Variants in GPC5 observed in about 807,000 individuals in gnomAD.
GPC5 encodes the protein glypican 5, also known as glypican-5.
Under a neutral mutation model 53.9 loss-of-function variants are expected in GPC5, and 47 were observed. The ratio of observed to expected loss-of-function variants is 0.87; its 90% confidence interval spans 0.69 to 1.11. GPC5 has a LOEUF of 1.11. Among genes scored for constraint, GPC5 ranks in the 50% most tolerant of loss-of-function variants. The probability of loss-of-function intolerance (pLI) is 0.00; values close to 1 mark genes in which losing one functional copy is unlikely to be tolerated. For synonymous variants in GPC5, 286 were observed against 263.3 expected (o/e 1.09, Z -0.84); for missense variants, 748 against 713.1 (o/e 1.05, Z -0.56).
chr13:91,556,539 A>T (rs1032414077), intron 2 of GPC5, among the ~76,000 whole-genome samples: 4 of 144,166 alleles, frequency 2.8e-5, no homozygotes, highest in Admixed American at 7.0e-5. Flanking sequence ...TATATATATA[A>T]AATGTGTGTG....
chr13:92,507,242 T>C (rs1034343827), intron 7 of GPC5, among the ~76,000 whole-genome samples: 3 of 152,214 alleles, frequency 2.0e-5, no homozygotes, highest in Admixed American at 2.0e-4. Context: ...TACATTGAGT[T>C]TGCCTCTAAT....
At chr13:92,496,703 G>C (rs1358051266) in intron 7 of GPC5, among the ~76,000 whole-genome samples, 1 of 152,128 alleles carries the variant, frequency 6.6e-6, no homozygotes, top group African/African-American at 2.4e-5. Context: ...AAAAGACCCA[G>C]GACAGGAAAT....
At chr13:91,781,729 ATTC>A in intron 5 of GPC5, among the ~76,000 whole-genome samples, 1 of 152,338 alleles carries the variant, frequency 6.6e-6, no homozygotes, top group East Asian at 1.9e-4. Flanking sequence ...ACCCGAGTGC[ATTC>A]TTAAGTTTAA....
chr13:92,167,667 C>G (rs2042041357), intron 7 of GPC5, among the ~76,000 whole-genome samples: 1 of 152,090 alleles, frequency 6.6e-6, no homozygotes, highest in Non-Finnish European at 1.5e-5. Context: ...TAGGGAGTAG[C>G]TTTCAGCATG....
chr13:92,253,519 T>C (rs2042706332), intron 7 of GPC5, among the ~76,000 whole-genome samples: 2 of 152,096 alleles, frequency 1.3e-5, no homozygotes, highest in African/African-American at 4.8e-5. Flanking sequence ...AGTAGTCACC[T>C]GTGTGTAGTG....
intron 7 of GPC5, among the ~76,000 whole-genome samples, chr13:92,731,703 C>T (rs936547772): frequency 6.6e-6 from 1 of 151,320 alleles, no homozygotes; most frequent in Non-Finnish European, 1.5e-5. Context: ...AGAGAATAGA[C>T]TCTATTTAAG....
At chr13:91,983,068 G>C (rs979329295) in intron 6 of GPC5, among the ~76,000 whole-genome samples, 1 of 151,920 alleles carries the variant, frequency 6.6e-6, no homozygotes, top group Non-Finnish European at 1.5e-5. Flanking sequence ...CCAAGGTGCC[G>C]GTCGCGGTGG....
intron 7 of GPC5, among the ~76,000 whole-genome samples, chr13:92,778,758 T>G (rs1446512338): frequency 1.3e-5 from 2 of 152,192 alleles, no homozygotes; most frequent in Non-Finnish European, 2.9e-5. Context: ...GACTTAGCTA[T>G]TCACATAAAG....
At chr13:91,991,251 G>A (rs184106443) in intron 6 of GPC5, among the ~76,000 whole-genome samples, 6 of 152,158 alleles carry the variant, frequency 3.9e-5, no homozygotes, top group East Asian at 3.9e-4. Flanking sequence ...CAGTTTCCTC[G>A]TCTCTAAAGT....
At chr13:92,297,836 G>C (rs777212346) in intron 7 of GPC5, among the ~76,000 whole-genome samples, 1 of 151,976 alleles carries the variant, frequency 6.6e-6, no homozygotes, top group Non-Finnish European at 1.5e-5. Flanking sequence ...TCTTGCTACT[G>C]CTCACTCTTT....
intron 7 of GPC5, among the ~76,000 whole-genome samples, chr13:92,579,796 T>G (rs1394490273): frequency 6.6e-6 from 1 of 152,154 alleles, no homozygotes; most frequent in African/African-American, 2.4e-5. Flanking sequence ...AAAAGCTACT[T>G]GCTTATTCAT....
rs191528325 is a variant in GPC5 at position 92,549,971 on chromosome 13, A to G, written c.1562-316311A>G. Reference sequence around the variant, plus strand: ...CTTGATATAGCTATTTATCTGTAACATATAATATTACTGATAACTATAATT... The same window carrying G: ...CTTGATATAGCTATTTATCTGTAACGTATAATATTACTGATAACTATAATT... On this transcript the variant is annotated intron_variant, in intron 7 of 7. Coordinates refer to ENST00000377067, the MANE Select transcript of GPC5 (RefSeq NM_004466.6). 7.9e-4 allele frequency among the ~76,000 whole-genome samples: 120 copies of G among 151,498 alleles called. 2 individuals carry two copies. The highest frequency in any genetic ancestry group is 2.7e-3 in the African/African-American group (110 of 41,262).
chr13:92,183,318 A>T (rs1316513875), intron 7 of GPC5, among the ~76,000 whole-genome samples: 2 of 152,156 alleles, frequency 1.3e-5, no homozygotes, highest in African/African-American at 4.8e-5. Flanking sequence ...GCTTGACCCA[A>T]CCATGGAAGG....
chr13:91,737,230 T>G (rs2036835978), intron 4 of GPC5, among the ~76,000 whole-genome samples: 1 of 151,518 alleles, frequency 6.6e-6, no homozygotes, highest in South Asian at 2.1e-4. Context: ...AGTTTCAGTT[T>G]GATGATATGG....
At chr13:91,651,399 T>C (rs1435991659) in intron 2 of GPC5, among the ~76,000 whole-genome samples, 1 of 152,234 alleles carries the variant, frequency 6.6e-6, no homozygotes, top group Non-Finnish European at 1.5e-5. Flanking sequence ...TGTTTAACTC[T>C]ATGTGCACTT....
intron 6 of GPC5, among the ~76,000 whole-genome samples, chr13:91,964,622 T>C (rs2040163234): frequency 6.6e-6 from 1 of 152,150 alleles, no homozygotes; most frequent in Non-Finnish European, 1.5e-5. Flanking sequence ...AGAGCGCTGA[T>C]TGGTGCATTT....
At chr13:92,560,117 T>G (rs1882647053) in intron 7 of GPC5, among the ~76,000 whole-genome samples, 1 of 151,970 alleles carries the variant, frequency 6.6e-6, no homozygotes, top group Admixed American at 6.6e-5. Context: ...GCAATTATCT[T>G]AAATATTATT....
At chr13:92,187,743 A>T (rs1383918641) in intron 7 of GPC5, among the ~76,000 whole-genome samples, 1 of 152,232 alleles carries the variant, frequency 6.6e-6, no homozygotes, top group Non-Finnish European at 1.5e-5. Flanking sequence ...TTGGGGAAAG[A>T]TGTGCATACT....
At chr13:91,611,528 A>C (rs1456226054) in intron 2 of GPC5, among the ~76,000 whole-genome samples, 1 of 152,198 alleles carries the variant, frequency 6.6e-6, no homozygotes, top group African/African-American at 2.4e-5. Flanking sequence ...AGTTCATCAG[A>C]AAGTCAGCTA....
Sources: allele counts gnomAD v4.1 joint callset (sites outside exome capture counted in the v4.1 genomes callset), GRCh38; gene constraint gnomAD v4.1.1; transcripts MANE v1.5; gene names NCBI Gene and HGNC (gene_info 2026-07-23, HGNC 2026-07-21).